ZNF454: variants seen among roughly 807,000 people sequenced by gnomAD.
The protein encoded by ZNF454 is zinc finger protein 454.
A neutral mutation model predicts 48.2 loss-of-function variants in ZNF454; 30 were observed. The ratio of observed to expected loss-of-function variants is 0.62; its 90% confidence interval spans 0.47 to 0.84. The LOEUF (loss-of-function observed/expected upper bound fraction) is 0.84, where lower values mean the gene tolerates loss of function less well. ZNF454 is among the 40% of genes least tolerant of loss of function. The pLI, the probability that ZNF454 is intolerant of heterozygous loss-of-function variation, is 0.00. For missense variants in ZNF454, 510 were observed against 623.1 expected (o/e 0.82, Z 1.93); for synonymous variants, 204 against 211.4 (o/e 0.97, Z 0.30).
intron 4 of ZNF454, among the ~76,000 whole-genome samples, chr5:178,955,010 T>TAGA (rs1759692062): frequency 6.6e-6 from 1 of 152,272 alleles, no homozygotes; most frequent in Non-Finnish European, 1.5e-5. Context: ...ATGAACATTC[T>TAGA]TGTGTAAGTT....
At chr5:178,972,752 G>A in the ZNF454 span, among the ~76,000 whole-genome samples, 1 of 152,112 alleles carries the variant, frequency 6.6e-6, no homozygotes, top group African/African-American at 2.4e-5. Flanking sequence ...GCTGAGCCAC[G>A]TGGGGGTGAG....
chr5:178,981,408 T>G, the ZNF454 span: 22 of 535,866 alleles, frequency 4.1e-5, no homozygotes, highest in Non-Finnish European at 7.4e-5. This position sits in a 1 kb window ranked among gnomAD's most constrained non-coding sequence, Gnocchi z 5.1. Context: ...TAGAACCTTC[T>G]CGGTGGCTGT....
chr5:178,960,604 T>C (rs371055380), intron 4 of ZNF454, among the ~76,000 whole-genome samples: 1 of 151,794 alleles, frequency 6.6e-6, no homozygotes, highest in Non-Finnish European at 1.5e-5. Flanking sequence ...GAGGGTGCCA[T>C]ATGAACATTT....
intron 2 of ZNF454, among the ~76,000 whole-genome samples, chr5:178,945,996 G>A (rs372197162): frequency 6.6e-5 from 10 of 152,110 alleles, no homozygotes; most frequent in East Asian, 5.8e-4. Flanking sequence ...TGAGTGAGCC[G>A]TGTCTATGCT....
chr5:178,970,736 T>C (rs895490502), downstream of ZNF454, among the ~76,000 whole-genome samples: 2 of 152,142 alleles, frequency 1.3e-5, no homozygotes, highest in African/African-American at 4.8e-5. Context: ...CCTTAAAAAA[T>C]TGTTAACAAT....
At chr5:178,978,412 T>G in the ZNF454 span, 1 of 152,208 alleles carries the variant, frequency 6.6e-6, no homozygotes, top group Non-Finnish European at 1.5e-5. Context: ...ATGAATGTAA[T>G]AAATTAAAGG....
intron 4 of ZNF454, 41 bp from the exon 5 acceptor site, chr5:178,964,614 G>T (rs1359024529): frequency 2.0e-6 from 3 of 1,476,720 alleles, no homozygotes; most frequent in Admixed American, 3.7e-5. Flanking sequence ...CAAATGTTTT[G>T]CTAGGGTAAA....
intron 4 of ZNF454, among the ~76,000 whole-genome samples, chr5:178,950,115 C>T (rs186697494): frequency 5.5e-4 from 84 of 152,222 alleles, no homozygotes; most frequent in African/African-American, 1.9e-3. Context: ...TCAAGTGATC[C>T]GCCAGCCTCA....
chr5:178,968,925 G>C (rs1315564795), downstream of ZNF454: 5 of 454,924 alleles, frequency 1.1e-5, no homozygotes, highest in Non-Finnish European at 1.8e-5. Context: ...GCAGGCTGAA[G>C]GCCCCCATCT....
the ZNF454 span, chr5:178,986,127 C>T: frequency 2.5e-6 from 4 of 1,612,942 alleles, no homozygotes; most frequent in South Asian, 2.2e-5. Context: ...CCTACGGACC[C>T]ACCTGCAGGG....
the ZNF454 span, chr5:178,986,313 G>A: frequency 3.8e-4 from 612 of 1,614,040 alleles, 1 homozygote; most frequent in African/African-American, 8.5e-4. Context: ...CACAGACCGC[G>A]GCCCCAGGCT....
downstream of ZNF454, among the ~76,000 whole-genome samples, chr5:178,970,660 C>T (rs1228433950): frequency 6.6e-6 from 1 of 152,162 alleles, no homozygotes; most frequent in East Asian, 1.9e-4. Flanking sequence ...CGGGGTTTCA[C>T]CATGTTGGTC....
Position 178,964,895 on chromosome 5 carries a change from A to G in ZNF454, c.491A>G (p.His164Arg). Residue 164 changes from histidine (H) to arginine (R), a missense_variant, in exon 5 of 5, where the codon CAC becomes CGC. Physicochemically the swap from His to Arg is conservative, Grantham distance 29. Around this residue, in one of 3 missense-constraint regions of ZNF454, gnomAD observed 354 missense variants for 408.9 expected, o/e 0.87. Coordinates refer to ENST00000519564, the MANE Select transcript of ZNF454 (RefSeq NM_001178089.3). ...GGGAGCACTATGAGCTCATCTCTTCACAGTGATCAAAGTCAGGGATTTCAA... is the reference window on the plus strand; with the variant it reads ...GGGAGCACTATGAGCTCATCTCTTCGCAGTGATCAAAGTCAGGGATTTCAA... ...ESGSTMSSSL[H>R]SDQSQGFQPS... 1 of 1,614,222 alleles carries G rather than the reference A, an allele frequency of 6.2e-7. No homozygotes were observed. Among genetic ancestry groups the G allele is most frequent in the Non-Finnish European group, 8.5e-7 (1 of 1,180,046 alleles).
the ZNF454 span, among the ~76,000 whole-genome samples, chr5:178,972,724 T>C: frequency 2.6e-5 from 4 of 152,026 alleles, no homozygotes. Flanking sequence ...GATCCACACT[T>C]TCTGGGCCAG....
downstream of ZNF454, among the ~76,000 whole-genome samples, chr5:178,968,188 C>A (rs537431361): frequency 2.6e-5 from 4 of 151,504 alleles, no homozygotes; most frequent in Non-Finnish European, 5.9e-5. Context: ...AATGGAGGAG[C>A]CTTCACTACT....
the ZNF454 span, chr5:178,990,020 GT>G: frequency 5.0e-6 from 1 of 198,684 alleles, no homozygotes. Context: ...AATAAAAGGC[GT>G]GATGGTATAT....
Position 178,944,607 on chromosome 5 carries a change from C to T in ZNF454, c.34-1752C>T, listed in dbSNP as rs1444519293. ...GTAACGGAAACCTAATTCAGACTGC[C>T]TCAGGCAGAAGCAGGCACTGACTGG... On this transcript the variant is annotated intron_variant, in intron 2 of 4. Coordinates refer to ENST00000519564, the MANE Select transcript of ZNF454 (RefSeq NM_001178089.3). This position sits in a 1 kb window ranked among gnomAD's most constrained non-coding sequence, Gnocchi z 4.1. 1.3e-5 allele frequency among the ~76,000 whole-genome samples: 2 copies of T among 152,238 alleles called. No homozygotes were observed. The highest frequency in any genetic ancestry group is 2.9e-5 in the Non-Finnish European group (2 of 68,044).
the ZNF454 span, chr5:178,987,052 A>AG: frequency 6.7e-7 from 1 of 1,484,210 alleles, no homozygotes; most frequent in African/African-American, 1.4e-5. Flanking sequence ...GGGAGGCCCC[A>AG]GGGACCAGCA....
chr5:178,965,896 T>G lies in ZNF454; in HGVS notation c.1492T>G (p.Cys498Gly). 4.3e-6 allele frequency: 7 copies of G among 1,610,932 alleles called. No homozygotes were observed. In the South Asian group the frequency reaches 7.7e-5, roughly 18 times the overall value. ...RIHTGEKPYKCNKCGKAFNQT... is the reference protein window; with the variant it reads ...RIHTGEKPYKGNKCGKAFNQT... Reference sequence around the variant, plus strand: ...TCACACAGGAGAGAAACCCTATAAATGTAATAAATGTGGGAAAGCTTTTAA... The same window carrying G: ...TCACACAGGAGAGAAACCCTATAAAGGTAATAAATGTGGGAAAGCTTTTAA... Residue 498 changes from cysteine (C) to glycine (G), a missense_variant, in exon 5 of 5, where the codon TGT becomes GGT. Around this residue, in one of 3 missense-constraint regions of ZNF454, gnomAD observed 153 missense variants for 195.8 expected, o/e 0.78. Coordinates refer to ENST00000519564, the MANE Select transcript of ZNF454 (RefSeq NM_001178089.3). The surrounding 1 kb of genome is among the most constrained non-coding windows in gnomAD (Gnocchi z 5.2).
Sources: gnomAD v4.1 joint callset for allele counts (sites outside exome capture counted in the v4.1 genomes callset) on GRCh38, gnomAD v4.1.1 for gene constraint, gnomAD v4.1.1 regional missense constraint, Gnocchi (gnomAD v3.1) non-coding constraint, MANE v1.5 for transcripts, NCBI Gene and HGNC (gene_info 2026-07-23, HGNC 2026-07-21) for gene names.